The following COL25A1 variants were observed in gnomAD, a reference collection of about 807,000 sequenced individuals.
COL25A1 encodes the protein collagen alpha-1(XXV) chain.
A neutral mutation model predicts 128.4 loss-of-function variants in COL25A1; 103 were observed. The observed-to-expected ratio is 0.80, with a 90% CI of 0.68 to 0.94. COL25A1 has a LOEUF of 0.94. Ranked by LOEUF, COL25A1 falls within the 40% of genes least tolerant of loss-of-function variation. The pLI is 0.00. For synonymous variants in COL25A1, 279 were observed against 277.2 expected (o/e 1.01, Z -0.06); for missense variants, 745 against 840.0 (o/e 0.89, Z 1.40).
intron 9 of COL25A1, among the ~76,000 whole-genome samples, chr4:108,940,943 C>T (rs946937646): frequency 1.3e-4 from 20 of 152,144 alleles, no homozygotes; most frequent in African/African-American, 4.8e-4. Flanking sequence ...AAAACGTGTG[C>T]ATTACTTTAT....
intron 5 of COL25A1, among the ~76,000 whole-genome samples, chr4:109,018,082 A>G (rs1161102286): frequency 6.6e-6 from 1 of 152,096 alleles, no homozygotes; most frequent in Non-Finnish European, 1.5e-5. Context: ...CTATAAAATA[A>G]CACCTGTAGT....
At chr4:109,266,384 G>A (rs1297129942) in intron 3 of COL25A1, among the ~76,000 whole-genome samples, 2 of 152,170 alleles carry the variant, frequency 1.3e-5, no homozygotes, top group African/African-American at 4.8e-5. Context: ...ATGACCTTCA[G>A]AAATCTTCAC....
chr4:108,892,039 T>C (rs1057498071), intron 16 of COL25A1, among the ~76,000 whole-genome samples: 3 of 152,138 alleles, frequency 2.0e-5, no homozygotes, highest in African/African-American at 7.2e-5. Context: ...GGAATTTTTA[T>C]AACTTTTAAG....
intron 6 of COL25A1, among the ~76,000 whole-genome samples, chr4:108,994,315 G>A (rs572811184): frequency 6.6e-6 from 1 of 152,336 alleles, no homozygotes; most frequent in East Asian, 1.9e-4. Context: ...CCCGTGCCTG[G>A]TGCAGTGGGT....
At chr4:109,281,082 A>G (rs1378716723) in intron 3 of COL25A1, among the ~76,000 whole-genome samples, 2 of 152,228 alleles carry the variant, frequency 1.3e-5, no homozygotes, top group East Asian at 3.8e-4. Flanking sequence ...AAATAGGAAA[A>G]GAAGTTAATT....
chr4:109,233,645 T>C (rs776633383), intron 3 of COL25A1, among the ~76,000 whole-genome samples: 5 of 152,142 alleles, frequency 3.3e-5, no homozygotes, highest in African/African-American at 4.8e-5. Context: ...ATTCATCATG[T>C]AGGAGACAGG....
intron 3 of COL25A1, among the ~76,000 whole-genome samples, chr4:109,209,235 TA>T (rs2126193448): frequency 6.6e-6 from 1 of 152,276 alleles, no homozygotes; most frequent in South Asian, 2.1e-4. Context: ...AGCTAGTATC[TA>T]TTTCTATTTC....
chr4:108,828,171 T>G (rs917099862), intron 32 of COL25A1, among the ~76,000 whole-genome samples: 3 of 152,192 alleles, frequency 2.0e-5, no homozygotes, highest in Non-Finnish European at 2.9e-5. Flanking sequence ...GACAGAGTCT[T>G]GCTCTGTTGC....
Position 109,132,808 on chromosome 4 carries a change from T to C in COL25A1, c.368-82629A>G, listed in dbSNP as rs1049366070. The stretch of plus-strand genomic sequence containing the variant: ...TCTAATAATACAATTCTGTAAACCT[T>C]CTAGATTTCCATATTACTTTGTGGA... On this transcript the variant is annotated intron_variant, in intron 3 of 37. Transcript: ENST00000399132. Among the ~76,000 whole-genome samples, 5 of 152,112 alleles carry C rather than the reference T, an allele frequency of 3.3e-5. No individual in the cohort carries two copies. The East Asian group carries it at 9.6e-4, about 29-fold the overall frequency.
intron 32 of COL25A1, among the ~76,000 whole-genome samples, chr4:108,831,985 A>G (rs959179960): frequency 6.6e-6 from 1 of 152,232 alleles, no homozygotes; most frequent in African/African-American, 2.4e-5. Flanking sequence ...GAAAAAAGTT[A>G]TAACCTGCTC....
At chr4:108,839,185 A>T (rs1734141295) in intron 31 of COL25A1, among the ~76,000 whole-genome samples, 1 of 152,092 alleles carries the variant, frequency 6.6e-6, no homozygotes, top group Admixed American at 6.5e-5. Context: ...AAACATAAAG[A>T]GTTCAGGGCC....
At chr4:108,846,855 A>T (rs569442950) in intron 27 of COL25A1, among the ~76,000 whole-genome samples, 20 of 152,040 alleles carry the variant, frequency 1.3e-4, no homozygotes, top group African/African-American at 4.6e-4. Context: ...CTTTACAGTG[A>T]GGAAATAGAT....
intron 14 of COL25A1, among the ~76,000 whole-genome samples, chr4:108,899,767 A>G (rs1345813216): frequency 6.6e-6 from 1 of 152,098 alleles, no homozygotes; most frequent in Non-Finnish European, 1.5e-5. Context: ...GAGGCACCTT[A>G]AGGAAAGACA....
At chr4:108,933,871 C>CACAA (rs899124263) in intron 11 of COL25A1, among the ~76,000 whole-genome samples, 7 of 151,692 alleles carry the variant, frequency 4.6e-5, no homozygotes, top group Non-Finnish European at 8.8e-5. Flanking sequence ...CACACACACA[C>CACAA]ACACACAATG....
intron 3 of COL25A1, among the ~76,000 whole-genome samples, chr4:109,235,144 A>G (rs1314331324): frequency 6.6e-6 from 1 of 152,036 alleles, no homozygotes; most frequent in Non-Finnish European, 1.5e-5. Context: ...TATTCTCAGG[A>G]ATAAATTTTT....
At chr4:109,260,735 A>G (rs1781388758) in intron 3 of COL25A1, among the ~76,000 whole-genome samples, 1 of 152,076 alleles carries the variant, frequency 6.6e-6, no homozygotes, top group South Asian at 2.1e-4. Context: ...ACCTCAAGAA[A>G]TCCGCATGCC....
intron 19 of COL25A1, among the ~76,000 whole-genome samples, chr4:108,883,524 T>G (rs1452698): frequency 0.33 from 50,410 of 152,132 alleles, 9,928 homozygotes; most frequent in East Asian, 0.65. Flanking sequence ...TTAAGTCTTG[T>G]CAGTTGCCAT....
At position 109,278,972 on chromosome 4, in the gene COL25A1, C is replaced by T. The variant is rs1352642999; in HGVS notation, c.367+21611G>A. ...GTGTTCACACATGGTGGAAGGGGCACGTCAACTCCCTAGGGACCTTTTTAT... is the reference window on the plus strand; with the variant it reads ...GTGTTCACACATGGTGGAAGGGGCATGTCAACTCCCTAGGGACCTTTTTAT... On this transcript the variant is annotated intron_variant, in intron 3 of 37. Coordinates refer to ENST00000399132, the MANE Select transcript of COL25A1 (RefSeq NM_198721.4). Among the ~76,000 whole-genome samples the T allele has an allele frequency of 2.0e-5, 3 of 152,048 alleles. No homozygotes were observed. In the South Asian group the frequency reaches 6.2e-4, roughly 32 times the overall value.
chr4:108,969,739 C>T (rs757051689), intron 8 of COL25A1, among the ~76,000 whole-genome samples: 5 of 152,138 alleles, frequency 3.3e-5, no homozygotes, highest in Non-Finnish European at 5.9e-5. Context: ...TCAGCTCATC[C>T]GTTCTGCTTA....
Sources: gnomAD v4.1 joint callset for allele counts (sites outside exome capture counted in the v4.1 genomes callset) on GRCh38, gnomAD v4.1.1 for gene constraint, MANE v1.5 for transcripts, NCBI Gene and HGNC (gene_info 2026-07-23, HGNC 2026-07-21) for gene names.